Variants in LMX1A observed in about 807,000 individuals in gnomAD.
LMX1A encodes the protein LIM homeobox transcription factor 1 alpha.
A neutral mutation model predicts 49.1 loss-of-function variants in LMX1A; 15 were observed. The observed-to-expected ratio is 0.31, with a 90% CI of 0.20 to 0.47. The LOEUF is 0.47. Ranked by LOEUF, LMX1A falls within the 20% of genes least tolerant of loss-of-function variation. The pLI, the probability that LMX1A is intolerant of heterozygous loss-of-function variation, is 1.00. For missense variants in LMX1A, 372 were observed against 475.8 expected (o/e 0.78, Z 2.03); for synonymous variants, 167 against 185.7 (o/e 0.90, Z 0.82).
rs1056246777 is a variant in LMX1A at position 165,203,648 on chromosome 1, G to A, written c.*232C>T. On this transcript the variant is annotated 3_prime_UTR_variant, in exon 9 of 9. Transcript: ENST00000342310. ...AGTCTCTGTCCTTAATGATAAACACGTCTTCATATCTAATGCTAAGACTCT... is the reference window on the plus strand; with the variant it reads ...AGTCTCTGTCCTTAATGATAAACACATCTTCATATCTAATGCTAAGACTCT... 7.6e-5 allele frequency: 30 copies of A among 394,160 alleles called. No homozygotes were observed. The highest frequency in any genetic ancestry group is 3.2e-4 in the South Asian group (5 of 15,474). The allele number at this position is 394,160 out of a possible 1,614,324, so 24.4% of individuals were successfully genotyped here.
intron 3 of LMX1A, among the ~76,000 whole-genome samples, chr1:165,326,364 A>T (rs1655579722): frequency 6.6e-6 from 1 of 152,210 alleles, no homozygotes; most frequent in African/African-American, 2.4e-5. Flanking sequence ...GTCTCAAATC[A>T]GGGTAATATT....
At chr1:165,270,760 A>G (rs1232223430) in intron 3 of LMX1A, among the ~76,000 whole-genome samples, 1 of 152,240 alleles carries the variant, frequency 6.6e-6, no homozygotes, top group African/African-American at 2.4e-5. Context: ...ACTTGAACAA[A>G]GAACACTGTG....
Position 165,279,274 on chromosome 1 carries a change from C to T in LMX1A, c.264-29634G>A, listed in dbSNP as rs571326540. On this transcript the variant is annotated intron_variant, in intron 3 of 8. Transcript: ENST00000342310. ...GAGACTTCATCCAGTGGGAAGAGGC[C>T]TCGTCCCCAATAACTGCCTCTGCGG... Among the ~76,000 whole-genome samples the T allele has an allele frequency of 4.6e-5, 7 of 152,264 alleles. No individual in the cohort carries two copies. In the South Asian group the frequency reaches 8.3e-4, roughly 18 times the overall value.
At chr1:165,268,417 A>C (rs1168924713) in intron 3 of LMX1A, among the ~76,000 whole-genome samples, 1 of 152,230 alleles carries the variant, frequency 6.6e-6, no homozygotes, top group Non-Finnish European at 1.5e-5. Context: ...GAGTGAGCAC[A>C]CTGACTGGAT....
intron 4 of LMX1A, among the ~76,000 whole-genome samples, chr1:165,230,593 G>C (rs1226108903): frequency 6.6e-6 from 1 of 152,178 alleles, no homozygotes; most frequent in Non-Finnish European, 1.5e-5. Flanking sequence ...ATCTCTACAT[G>C]AATGTGGATG....
intron 3 of LMX1A, among the ~76,000 whole-genome samples, chr1:165,336,020 T>C (rs1407253052): frequency 6.6e-6 from 1 of 152,192 alleles, no homozygotes; most frequent in Non-Finnish European, 1.5e-5. Context: ...ACCAAGTAAA[T>C]TATTAGTATA....
chr1:165,241,219 C>A (rs185202920), intron 4 of LMX1A, among the ~76,000 whole-genome samples: 106 of 152,252 alleles, frequency 7.0e-4, no homozygotes, highest in Non-Finnish European at 3.2e-4. Context: ...ATCTGTACCA[C>A]CATGAGGTGC....
chr1:165,337,114 T>C (rs759331651), intron 3 of LMX1A, among the ~76,000 whole-genome samples: 1 of 152,216 alleles, frequency 6.6e-6, no homozygotes, highest in African/African-American at 2.4e-5. Flanking sequence ...ATCACTGCTG[T>C]ATCCCAAGTA....
At chr1:165,226,065 T>C (rs1055515546) in intron 4 of LMX1A, among the ~76,000 whole-genome samples, 2 of 152,176 alleles carry the variant, frequency 1.3e-5, no homozygotes, top group African/African-American at 2.4e-5. Flanking sequence ...AATAATGGTA[T>C]GACTGGAGGA....
chr1:165,205,097 T>C (rs1651020222), intron 8 of LMX1A, among the ~76,000 whole-genome samples: 1 of 152,190 alleles, frequency 6.6e-6, no homozygotes, highest in Admixed American at 6.5e-5. Flanking sequence ...CTGCATAAGA[T>C]TATTTTTTAA....
intron 3 of LMX1A, 106 bp downstream of exon 3, chr1:165,352,970 G>T (rs1656477580): frequency 8.7e-7 from 1 of 1,151,748 alleles, no homozygotes; most frequent in South Asian, 1.4e-5. Flanking sequence ...CTCGCTGGGC[G>T]TGTCTCTTGG....
intron 3 of LMX1A, among the ~76,000 whole-genome samples, chr1:165,281,457 C>T (rs1654146229): frequency 6.6e-6 from 1 of 152,188 alleles, no homozygotes; most frequent in Admixed American, 6.5e-5. Flanking sequence ...TCGCTGCAAA[C>T]GTGGAGTCCA....
At chr1:165,288,927 T>C (rs943963432) in intron 3 of LMX1A, among the ~76,000 whole-genome samples, 3 of 152,176 alleles carry the variant, frequency 2.0e-5, no homozygotes, top group Non-Finnish European at 1.5e-5. Context: ...AAATTTCCTT[T>C]AGATTTAACT....
chr1:165,212,754 T>A (rs1651464889), intron 5 of LMX1A: 1 of 152,202 alleles, frequency 6.6e-6, no homozygotes, highest in Admixed American at 6.5e-5. Flanking sequence ...CAATATCTAT[T>A]CTTTCTTCAT....
intron 3 of LMX1A, among the ~76,000 whole-genome samples, chr1:165,291,741 G>A (rs1211938664): frequency 6.6e-6 from 1 of 152,146 alleles, no homozygotes; most frequent in African/African-American, 2.4e-5. Flanking sequence ...AAGTAGCAAA[G>A]CTGGGATTTA....
chr1:165,327,856 T>C (rs910493386), intron 3 of LMX1A, among the ~76,000 whole-genome samples: 2 of 152,258 alleles, frequency 1.3e-5, no homozygotes, highest in Non-Finnish European at 2.9e-5. Flanking sequence ...ATTGTGTCCA[T>C]TGTAAATCCT....
intron 3 of LMX1A, among the ~76,000 whole-genome samples, chr1:165,286,277 CT>C (rs1390990895): frequency 6.6e-6 from 1 of 152,198 alleles, no homozygotes; most frequent in African/African-American, 2.4e-5. Context: ...TAAATGTCAG[CT>C]TCCTTGTTTA....
chr1:165,205,612 G>A (rs577194852), intron 8 of LMX1A, among the ~76,000 whole-genome samples: 1 of 152,158 alleles, frequency 6.6e-6, no homozygotes, highest in African/African-American at 2.4e-5. Flanking sequence ...TACAAGGAGA[G>A]CACAACTTCC....
chr1:165,255,862 A>T (rs1486628016), intron 3 of LMX1A, among the ~76,000 whole-genome samples: 1 of 152,016 alleles, frequency 6.6e-6, no homozygotes, highest in African/African-American at 2.4e-5. Flanking sequence ...AATCTCAGCT[A>T]CTCAGGAGGC....
Sources: gnomAD v4.1 joint callset for allele counts (sites outside exome capture counted in the v4.1 genomes callset) on GRCh38, gnomAD v4.1.1 for gene constraint, MANE v1.5 for transcripts, NCBI Gene and HGNC (gene_info 2026-07-23, HGNC 2026-07-21) for gene names.